U2SURP: variants seen among roughly 807,000 people sequenced by gnomAD.
U2SURP encodes U2 snRNP associated SURP domain containing.
U2SURP carries 9 observed loss-of-function variants against 144.9 expected under a neutral mutation model. That is an observed-to-expected ratio of 0.06 (90% confidence interval 0.04 to 0.11). The LOEUF (loss-of-function observed/expected upper bound fraction) is 0.11, where lower values mean the gene tolerates loss of function less well. Among genes scored for constraint, U2SURP ranks in the 10% least tolerant of loss-of-function variants. The probability of loss-of-function intolerance (pLI) is 1.00; values close to 1 mark genes in which losing one functional copy is unlikely to be tolerated. For synonymous variants in U2SURP, 408 were observed against 396.8 expected, an observed-to-expected ratio of 1.03 and a Z score of -0.33; for missense variants, 724 against 1,226.7, an observed-to-expected ratio of 0.59 and a Z score of 6.12.
chr3:143,043,014 TG>T, intron 23 of U2SURP, 102 bp from the exon 24 acceptor site: 1 of 1,156,580 alleles, frequency 8.6e-7, no homozygotes, highest in South Asian at 2.0e-5. Flanking sequence ...GTTTTGGCTA[TG>T]TTATTTAAGC....
At chr3:143,054,399 A>G (rs1935043083) in intron 26 of U2SURP, among the ~76,000 whole-genome samples, 1 of 152,234 alleles carries the variant, frequency 6.6e-6, no homozygotes, top group South Asian at 2.1e-4. Context: ...ACAGATAGTT[A>G]CAAATAACAA....
intron 24 of U2SURP, among the ~76,000 whole-genome samples, chr3:143,046,066 A>G (rs1006847665): frequency 1.3e-5 from 2 of 152,102 alleles, no homozygotes; most frequent in African/African-American, 2.4e-5. Flanking sequence ...AGTTTCTCCA[A>G]TTAGTTCTAT....
chr3:143,038,435 C>T (rs1193389598), intron 22 of U2SURP, among the ~76,000 whole-genome samples: 1 of 151,944 alleles, frequency 6.6e-6, no homozygotes. Flanking sequence ...CACTGAAAAC[C>T]TTTCAGGTTA....
At chr3:143,026,426 T>C (rs893021316) in intron 13 of U2SURP, 1 of 152,172 alleles carries the variant, frequency 6.6e-6, no homozygotes, top group Non-Finnish European at 1.5e-5. Context: ...ATTTCTTCAT[T>C]GATTGATAGT....
chr3:143,005,811 G>T (rs968608536), intron 1 of U2SURP, among the ~76,000 whole-genome samples: 1 of 150,956 alleles, frequency 6.6e-6, no homozygotes, highest in African/African-American at 2.4e-5. Flanking sequence ...TTAGTATGCC[G>T]GTTGAAGTAT....
intron 14 of U2SURP, among the ~76,000 whole-genome samples, chr3:143,027,497 T>C (rs1437398390): frequency 2.0e-5 from 3 of 152,178 alleles, no homozygotes; most frequent in Non-Finnish European, 4.4e-5. Flanking sequence ...CTCTTAGTAA[T>C]TTCATTACTC....
intron 3 of U2SURP, among the ~76,000 whole-genome samples, chr3:143,013,630 TACAG>T (rs1282968100): frequency 6.6e-6 from 1 of 152,078 alleles, no homozygotes; most frequent in Non-Finnish European, 1.5e-5. Flanking sequence ...CAAAAAGGTC[TACAG>T]ACAATGTATT....
chr3:143,054,816 A>C, intron 26 of U2SURP, 127 bp from the exon 27 acceptor site: 1 of 989,384 alleles, frequency 1.0e-6, no homozygotes, highest in African/African-American at 1.7e-5. Context: ...GAGTATTGTT[A>C]AAAGTAACAT....
At position 143,020,510 on chromosome 3, in the gene U2SURP, T is replaced by C. The variant is rs1325682630; in HGVS notation, c.639-89T>C. ...ATTTAATTACAGATATTTCTAGTTA[T>C]TTGATGATAGTAATTTGATAAGCGC... On this transcript the variant is annotated intron_variant, in intron 7 of 27. Transcript: ENST00000473835. The C allele has an allele frequency of 1.6e-5, 13 of 836,770 alleles. No homozygotes were observed. The East Asian group carries it at 2.7e-4, about 17-fold the overall frequency. The allele number at this position is 836,770 out of a possible 1,614,324, so 51.8% of individuals were successfully genotyped here.
intron 1 of U2SURP, chr3:143,002,416 C>T (rs1026565853): frequency 2.6e-5 from 4 of 152,204 alleles, no homozygotes; most frequent in African/African-American, 9.6e-5. Context: ...ACCCTGGGCA[C>T]GTATTGTGAA....
rs1419217033 is a variant in U2SURP, at chr3:143,014,384, A to G, written c.296A>G (p.Lys99Arg). ...MSTAKRTLSK[K>R]EQEELKKKED... ...ACAGCTAAGCGAACTTTAAGTAAAA[A>G]GGAACAGGAAGAATTAAAGAAAAAG... The change falls in exon 4 of 28, where the codon AAG becomes AGG. Residue 99 changes from lysine to arginine, a missense_variant. Around this residue, in one of 13 missense-constraint regions of U2SURP, gnomAD observed 115 missense variants for 258.1 expected, o/e 0.45. Coordinates refer to ENST00000473835, the MANE Select transcript of U2SURP (RefSeq NM_001080415.2). The G allele has an allele frequency of 1.1e-5, 17 of 1,605,504 alleles. No homozygotes were observed. Among genetic ancestry groups the G allele is most frequent in the Non-Finnish European group, 1.3e-5 (15 of 1,174,762 alleles).
chr3:143,023,246 A>T, intron 12 of U2SURP, 182 bp downstream of exon 12: 1 of 520,982 alleles, frequency 1.9e-6, no homozygotes, highest in Non-Finnish European at 3.3e-6. Context: ...ATACTAGGTC[A>T]TATTTTTATT....
chr3:143,030,082 T>C (rs887977744), intron 16 of U2SURP, among the ~76,000 whole-genome samples: 1 of 152,260 alleles, frequency 6.6e-6, no homozygotes, highest in Admixed American at 6.5e-5. Flanking sequence ...CAGCAAGTGC[T>C]GATGTAGATG....
chr3:143,018,840 G>A (rs1357089544), intron 6 of U2SURP, among the ~76,000 whole-genome samples: 2 of 152,194 alleles, frequency 1.3e-5, no homozygotes, highest in East Asian at 1.9e-4. Flanking sequence ...CAGGAGAATC[G>A]CTTGAACTCG....
At chr3:143,045,478 A>T (rs1303748858) in intron 24 of U2SURP, among the ~76,000 whole-genome samples, 2 of 151,840 alleles carry the variant, frequency 1.3e-5, no homozygotes, top group African/African-American at 4.8e-5. Context: ...AATACAAGCT[A>T]TTCCCTCATA....
In U2SURP at chr3:143,001,582, G is replaced by C; in HGVS notation, c.-47G>C. 6.2e-7 allele frequency: 1 copy of C among 1,609,634 alleles called. No homozygotes were observed. The highest frequency in any genetic ancestry group is 8.5e-7 in the Non-Finnish European group (1 of 1,178,230). ...ACTGAGATCCGCTCTTTCGGTGCTC[G>C]ACTCGCCCGTGCTGCTGCCGCCGCC... On this transcript the variant is annotated 5_prime_UTR_variant, in exon 1 of 28. Transcript: ENST00000473835.
At chr3:143,053,219 T>A (rs1169793646) in intron 25 of U2SURP, among the ~76,000 whole-genome samples, 1 of 152,180 alleles carries the variant, frequency 6.6e-6, no homozygotes, top group Non-Finnish European at 1.5e-5. Flanking sequence ...TTTTTCTGAT[T>A]GGAATTTTTC....
rs1431954025 is a variant in U2SURP, at chr3:143,033,297, T to C, written c.1800T>C (p.Asp600=). 1 of 1,544,696 alleles carries C rather than the reference T, an allele frequency of 6.5e-7. No homozygotes were observed. Reference sequence around the variant, plus strand: ...TTGCCAGATTATATTTGGTTTCTGATGTTTTGTACAACTCTTCAGCCAAAG... The same window carrying C: ...TTGCCAGATTATATTTGGTTTCTGACGTTTTGTACAACTCTTCAGCCAAAG... The part of the protein sequence containing the change: ...KKIARLYLVS[D]VLYNSSAKVA... The change falls in exon 18 of 28, where the codon GAT becomes GAC. Residue 600 remains aspartate, a synonymous_variant. Transcript: ENST00000473835.
In U2SURP at chr3:143,001,599, G is replaced by T; in HGVS notation, c.-30G>T. ...CGGTGCTCGACTCGCCCGTGCTGCT[G>T]CCGCCGCCGAAGGAGGGGCAAAGCT... is the stretch of plus-strand genomic sequence containing the variant. On this transcript the variant is annotated 5_prime_UTR_variant, in exon 1 of 28. Transcript: ENST00000473835. 5.0e-6 allele frequency: 8 copies of T among 1,613,322 alleles called. No homozygotes were observed. The highest frequency in any genetic ancestry group is 6.8e-6 in the Non-Finnish European group (8 of 1,179,656).
Sources: gnomAD v4.1 joint callset for allele counts (sites outside exome capture counted in the v4.1 genomes callset) on GRCh38, gnomAD v4.1.1 for gene constraint, gnomAD v4.1.1 regional missense constraint, MANE v1.5 for transcripts, NCBI Gene and HGNC (gene_info 2026-07-23, HGNC 2026-07-21) for gene names.